FHOD3: variants seen among roughly 807,000 people sequenced by gnomAD.
FHOD3 encodes the protein formin homology 2 domain containing 3.
A neutral mutation model predicts 173.0 loss-of-function variants in FHOD3; 90 were observed. The ratio of observed to expected loss-of-function variants is 0.52; its 90% CI spans 0.44 to 0.62. The LOEUF (loss-of-function observed/expected upper bound fraction) is 0.62, where lower values mean the gene tolerates loss of function less well. FHOD3 is among the 20% of genes least tolerant of loss of function. FHOD3 has a pLI of 0.00. For synonymous variants in FHOD3, 828 were observed against 823.0 expected, an observed-to-expected ratio of 1.01 and a Z score of -0.10; for missense variants, 1,945 against 2,034.7, an observed-to-expected ratio of 0.96 and a Z score of 0.85.
chr18:36,398,336 A>T (rs2048648309), intron 3 of FHOD3, among the ~76,000 whole-genome samples: 1 of 152,166 alleles, frequency 6.6e-6, no homozygotes, highest in Admixed American at 6.5e-5. Flanking sequence ...GTAGGTGGAG[A>T]GAGATGTTTC....
At chr18:36,399,316 A>G (rs1252661035) in intron 3 of FHOD3, among the ~76,000 whole-genome samples, 1 of 152,242 alleles carries the variant, frequency 6.6e-6, no homozygotes, top group Admixed American at 6.5e-5. Flanking sequence ...AGCTCTGAAC[A>G]CGGCCATGCA....
chr18:36,392,586 C>T (rs1358483917), intron 3 of FHOD3, among the ~76,000 whole-genome samples: 7 of 152,198 alleles, frequency 4.6e-5, no homozygotes, highest in Non-Finnish European at 8.8e-5. Flanking sequence ...AGGCTCTGAT[C>T]CTCAAGCTGC....
intron 10 of FHOD3, among the ~76,000 whole-genome samples, chr18:36,645,667 C>T (rs1328776325): frequency 1.3e-5 from 2 of 151,924 alleles, no homozygotes; most frequent in Non-Finnish European, 2.9e-5. Context: ...CAATCTCTTT[C>T]CAAAATAGGT....
At chr18:36,745,674 G>A (rs2150097994) in intron 23 of FHOD3, among the ~76,000 whole-genome samples, 1 of 151,904 alleles carries the variant, frequency 6.6e-6, no homozygotes, top group South Asian at 2.1e-4. Flanking sequence ...GCTTACCTCC[G>A]CGCCCCTGCT....
intron 1 of FHOD3, among the ~76,000 whole-genome samples, chr18:36,353,629 T>C (rs1316737253): frequency 6.6e-6 from 1 of 152,216 alleles, no homozygotes; most frequent in Non-Finnish European, 1.5e-5. Flanking sequence ...CTCTTACAGC[T>C]CAAGAAATCA....
At chr18:36,515,942 A>G (rs1317259894) in intron 5 of FHOD3, among the ~76,000 whole-genome samples, 1 of 152,164 alleles carries the variant, frequency 6.6e-6, no homozygotes, top group African/African-American at 2.4e-5. Context: ...CCCAATTGTC[A>G]CCACATTTTG....
chr18:36,741,208 G>A (rs1320455608), intron 21 of FHOD3, among the ~76,000 whole-genome samples: 1 of 152,032 alleles, frequency 6.6e-6, no homozygotes, highest in African/African-American at 2.4e-5. Context: ...CACCTAAACT[G>A]CCAGTGATTG....
At chr18:36,666,643 T>A (rs2037200583) in intron 14 of FHOD3, among the ~76,000 whole-genome samples, 1 of 152,258 alleles carries the variant, frequency 6.6e-6, no homozygotes, top group Non-Finnish European at 1.5e-5. Context: ...TTTATGAACT[T>A]AGTTTTTGCT....
chr18:36,486,974 C>T (rs1458171682), intron 3 of FHOD3, among the ~76,000 whole-genome samples: 7 of 152,158 alleles, frequency 4.6e-5, no homozygotes, highest in East Asian at 1.9e-4. Context: ...AGGCTGCATG[C>T]GTCAGTAGTC....
intron 17 of FHOD3, among the ~76,000 whole-genome samples, chr18:36,700,768 CCCAGTA>C (rs1435618610): frequency 6.6e-6 from 1 of 150,760 alleles, no homozygotes; most frequent in Non-Finnish European, 1.5e-5. Flanking sequence ...ACCCTTTGTA[CCCAGTA>C]CCAACCACCA....
At chr18:36,623,477 TC>T (rs1419506474) in intron 9 of FHOD3, among the ~76,000 whole-genome samples, 1 of 152,232 alleles carries the variant, frequency 6.6e-6, no homozygotes, top group African/African-American at 2.4e-5. Flanking sequence ...CTCAAACTTT[TC>T]CCCACAGAAT....
intron 15 of FHOD3, among the ~76,000 whole-genome samples, chr18:36,681,952 T>A (rs1600221729): frequency 1.3e-5 from 2 of 152,238 alleles, no homozygotes; most frequent in South Asian, 4.1e-4. Flanking sequence ...GAAATGCTTT[T>A]CCCACTTTCT....
At chr18:36,542,852 A>AGG (rs2057278435) in intron 5 of FHOD3, among the ~76,000 whole-genome samples, 4 of 152,194 alleles carry the variant, frequency 2.6e-5, no homozygotes, top group African/African-American at 9.6e-5. Context: ...AAAATGACGA[A>AGG]GGGAAAGTGG....
intron 2 of FHOD3, among the ~76,000 whole-genome samples, chr18:36,363,109 C>CCT (rs1180530690): frequency 2.6e-5 from 4 of 152,204 alleles, no homozygotes; most frequent in African/African-American, 9.6e-5. Context: ...ACTACACACC[C>CCT]CTTAGAATGG....
intron 18 of FHOD3, among the ~76,000 whole-genome samples, chr18:36,714,077 A>G (rs961175066): frequency 2.6e-5 from 4 of 152,302 alleles, no homozygotes; most frequent in South Asian, 2.1e-4. Context: ...TTGAGAAAAG[A>G]TATATTATGC....
chr18:36,725,263 C>T (rs531998713), intron 19 of FHOD3, among the ~76,000 whole-genome samples: 1 of 152,290 alleles, frequency 6.6e-6, no homozygotes, highest in East Asian at 1.9e-4. Context: ...ACCCAATGTC[C>T]TGTTGCTCCA....
intron 3 of FHOD3, among the ~76,000 whole-genome samples, chr18:36,425,220 T>C (rs2050177717): frequency 6.6e-6 from 1 of 152,218 alleles, no homozygotes; most frequent in Admixed American, 6.5e-5. Flanking sequence ...TAATCTCTTA[T>C]TGTGCCCGAC....
At chr18:36,474,393 A>C (rs953990298) in intron 3 of FHOD3, among the ~76,000 whole-genome samples, 1 of 152,204 alleles carries the variant, frequency 6.6e-6, no homozygotes, top group African/African-American at 2.4e-5. Context: ...TCAATGCTAC[A>C]TCTATAGATT....
intron 5 of FHOD3, among the ~76,000 whole-genome samples, chr18:36,562,738 AG>A (rs2058130945): frequency 6.6e-6 from 1 of 152,222 alleles, no homozygotes; most frequent in Non-Finnish European, 1.5e-5. Context: ...ACTCAAGCAC[AG>A]CCTTTAAAGT....
Sources: gnomAD v4.1 joint callset for allele counts (sites outside exome capture counted in the v4.1 genomes callset) on GRCh38, gnomAD v4.1.1 for gene constraint, MANE v1.5 for transcripts, NCBI Gene and HGNC (gene_info 2026-07-23, HGNC 2026-07-21) for gene names.